The following TMEM63B variants were observed in gnomAD, a reference collection of about 807,000 sequenced individuals.
TMEM63B encodes transmembrane protein 63B.
TMEM63B carries 23 observed loss-of-function variants against 102.6 expected under a neutral mutation model. That is an observed-to-expected ratio of 0.22 (90% CI 0.16 to 0.32). The LOEUF is 0.32. Among genes scored for constraint, TMEM63B ranks in the 10% least tolerant of loss-of-function variants. The pLI is 1.00. For synonymous variants in TMEM63B, 444 were observed against 437.0 expected (o/e 1.02, Z -0.20); for missense variants, 628 against 1,095.9 (o/e 0.57, Z 6.03).
Position 44,154,879 on chromosome 6 carries a change from A to C in TMEM63B, c.2495A>C (p.Gln832Pro). ...AGCCTCATAGAGAATGAGATTCACC[A>C]GTAAGGGGAGGGAGGGGCCCTGGAG... ...EDSLIENEIH[Q>P] Residue 832 changes from glutamine (Q) to proline (P), a missense_variant, in exon 24 of 24, where the codon CAG becomes CCG. Coordinates refer to ENST00000323267, the MANE Select transcript of TMEM63B (RefSeq NM_018426.3). 1 of 1,551,872 alleles carries C rather than the reference A, an allele frequency of 6.4e-7. No homozygotes were observed. The highest frequency in any genetic ancestry group is 2.3e-5 in the East Asian group (1 of 43,046).
intron 1 of TMEM63B, 69 bp from the exon 2 acceptor site, chr6:44,134,492 C>G: frequency 6.6e-7 from 1 of 1,506,202 alleles, no homozygotes; most frequent in Non-Finnish European, 9.0e-7. Context: ...GCCCCCTCCC[C>G]ACGCCCACCC....
Position 44,148,384 on chromosome 6 carries a change from A to G in TMEM63B, c.1120A>G (p.Ile374Val). ...VTFHNETITA[I>V]ILKDFNVCKC... ...CTTCCACAATGAGACTATCACCGCCATGTGAGTCCCCAACTCGGCCCTCGG... is the reference window on the plus strand; with the variant it reads ...CTTCCACAATGAGACTATCACCGCCGTGTGAGTCCCCAACTCGGCCCTCGG... The change falls in exon 13 of 24, where the codon ATC (isoleucine) becomes GTC (valine). Residue 374 changes from isoleucine (I) to valine (V), a missense_variant and splice_region_variant. Transcript: ENST00000323267. The surrounding 1 kb of genome is among the most constrained non-coding windows in gnomAD (Gnocchi z 5.1). 1 of 1,614,240 alleles carries G rather than the reference A, an allele frequency of 6.2e-7. No individual in the cohort carries two copies. The highest frequency in any genetic ancestry group is 8.5e-7 in the Non-Finnish European group (1 of 1,180,036).
rs1216019089 is a variant in TMEM63B, at chr6:44,130,485, A to G, written c.-25+2807A>G. On this transcript the variant is annotated intron_variant, in intron 1 of 23. Transcript: ENST00000323267. ...ACACGGTCTCTGTCTGTCGCCCAGG[A>G]TGGAGTGCAGTGGCATGATCTTGGT... 2.9e-5 allele frequency among the ~76,000 whole-genome samples: 4 copies of G among 137,640 alleles called. No homozygotes were observed. In the South Asian group the frequency reaches 6.9e-4, roughly 24 times the overall value. The allele number at this position is 137,640 out of a possible 152,430, so 90.3% of individuals were successfully genotyped here.
At position 44,141,021 on chromosome 6, in the gene TMEM63B, C is replaced by T; in HGVS notation, c.712-7C>T. On this transcript the variant is annotated splice_region_variant and splice_polypyrimidine_tract_variant and intron_variant, in intron 9 of 23. Transcript: ENST00000323267. ...TCAGAAGGCAAACCCACTCCCCTGT[C>T]ACCCAGGTGAAGCGGACCCTCTTCA... 6.2e-7 allele frequency: 1 copy of T among 1,614,044 alleles called. No homozygotes were observed. The highest frequency in any genetic ancestry group is 8.5e-7 in the Non-Finnish European group (1 of 1,179,956).
At position 44,141,192 on chromosome 6, in the gene TMEM63B, G is replaced by C. The variant is rs1448948772; in HGVS notation, c.782+94G>C. ...GAACATCCTTATACCCTAGCCTGGA[G>C]CTCTGCCGTGGGTGGGATAGAGATT... On this transcript the variant is annotated intron_variant, in intron 10 of 23. Transcript: ENST00000323267. 12 of 1,270,062 alleles carry C rather than the reference G, an allele frequency of 9.4e-6. No homozygotes were observed. The East Asian group carries it at 3.0e-4, about 32-fold the overall frequency. 78.7% of individuals were successfully genotyped at this position (1,270,062 alleles called of 1,614,324 possible). A position where few individuals can be genotyped will look rare whatever the true frequency, so the allele number is the denominator to read the frequency against.
At position 44,131,199 on chromosome 6, in the gene TMEM63B, TGA is replaced by T. The variant is rs1446905841; in HGVS notation, c.-24-3360_-24-3359del. ...TCCCAAAATGCTGGGATTACAGGTG[TGA>T]GCCACCGTGCCTGGCACCTACTACT... On this transcript the variant is annotated intron_variant, in intron 1 of 23. Coordinates refer to ENST00000323267, the MANE Select transcript of TMEM63B (RefSeq NM_018426.3). Among the ~76,000 whole-genome samples the T allele has an allele frequency of 3.5e-4, 54 of 152,208 alleles. 1 individual carries two copies. Among genetic ancestry groups the T allele is most frequent in the African/African-American group, 1.3e-3 (52 of 41,522 alleles).
In TMEM63B at chr6:44,150,537, C is replaced by T; in HGVS notation, c.1608-27C>T. On this transcript the variant is annotated intron_variant, in intron 17 of 23. Transcript: ENST00000323267. The surrounding 1 kb of genome is among the most constrained non-coding windows in gnomAD (Gnocchi z 4.7). Reference sequence around the variant, plus strand: ...GTGTTCTGTACCACTCCAGCTCCCACCCCATCTCTCCTCTGCTTCCCTCCA... The same window carrying T: ...GTGTTCTGTACCACTCCAGCTCCCATCCCATCTCTCCTCTGCTTCCCTCCA... 2 of 1,613,422 alleles carry T rather than the reference C, an allele frequency of 1.2e-6. No individual in the cohort carries two copies. The highest frequency in any genetic ancestry group is 1.7e-4 in the Middle Eastern group (1 of 6,036).
chr6:44,146,341 T>C (rs1339033507), intron 10 of TMEM63B, among the ~76,000 whole-genome samples: 1 of 152,074 alleles, frequency 6.6e-6, no homozygotes, highest in Non-Finnish European at 1.5e-5. Context: ...GGCCTTCTGC[T>C]CCCACTTCCC....
rs1766980707 is a variant in TMEM63B, at chr6:44,152,629, G to A, written c.1873G>A (p.Ala625Thr). 1.9e-6 allele frequency: 3 copies of A among 1,608,626 alleles called. No homozygotes were observed. Among genetic ancestry groups the A allele is most frequent in the Non-Finnish European group, 2.5e-6 (3 of 1,179,934 alleles). ...CGAGTTCCAGTTTGGCGCAGCCTACGCCTGGATGATGTGCGTCTTCACGGT... is the reference window on the plus strand; with the variant it reads ...CGAGTTCCAGTTTGGCGCAGCCTACACCTGGATGATGTGCGTCTTCACGGT... ...AYEFQFGAAY[A>T]WMMCVFTVVM... Residue 625 changes from alanine (A) to threonine (T), a missense_variant, in exon 20 of 24, where the codon GCC (alanine) becomes ACC (threonine). Ala to Thr is a moderately conservative substitution (Grantham distance 58). Around this residue, in one of 6 missense-constraint regions of TMEM63B, gnomAD observed 90 missense variants for 136.7 expected, o/e 0.66. Coordinates refer to ENST00000323267, the MANE Select transcript of TMEM63B (RefSeq NM_018426.3). The surrounding 1 kb of genome is among the most constrained non-coding windows in gnomAD (Gnocchi z 6.4).
Position 44,148,449 on chromosome 6 carries a change from A to G in TMEM63B, c.1121+64A>G, listed in dbSNP as rs1460333613. On this transcript the variant is annotated intron_variant, in intron 13 of 23. Transcript: ENST00000323267. The surrounding 1 kb of genome is among the most constrained non-coding windows in gnomAD (Gnocchi z 5.1). ...CCAGGGCTCCCTGACCCCTGTGCTC[A>G]TGGCCTTCTGCCAGCAGTGTGGCCT... 1 of 1,612,690 alleles carries G rather than the reference A, an allele frequency of 6.2e-7. No individual in the cohort carries two copies.
At position 44,150,011 on chromosome 6, in the gene TMEM63B, A is replaced by G. The variant is rs773220875; in HGVS notation, c.1520+46A>G. On this transcript the variant is annotated intron_variant, in intron 16 of 23. Coordinates refer to ENST00000323267, the MANE Select transcript of TMEM63B (RefSeq NM_018426.3). This position sits in a 1 kb window ranked among gnomAD's most constrained non-coding sequence, Gnocchi z 4.7. ...CCACACCTCGCTGTGGCCTGCCCTC[A>G]ATGACCCATCCTCTCTGGGCAGCAC... The G allele has an allele frequency of 6.4e-7, 1 of 1,565,404 alleles. No homozygotes were observed. Among genetic ancestry groups the G allele is most frequent in the South Asian group, 1.1e-5 (1 of 87,458 alleles).
Position 44,152,123 on chromosome 6 carries a change from C to A in TMEM63B, c.1836+115C>A. 1 of 1,288,194 alleles carries A rather than the reference C, an allele frequency of 7.8e-7. No homozygotes were observed. Among genetic ancestry groups the A allele is most frequent in the South Asian group, 1.5e-5 (1 of 66,786 alleles). The allele number at this position is 1,288,194 out of a possible 1,614,324, so 79.8% of individuals were successfully genotyped here. ...CAGGAGGGCTGAGACTTGGGGAGTACAGTTGACTCACGGTGGATCCGGGCC... is the reference window on the plus strand; with the variant it reads ...CAGGAGGGCTGAGACTTGGGGAGTAAAGTTGACTCACGGTGGATCCGGGCC... On this transcript the variant is annotated intron_variant, in intron 19 of 23. Transcript: ENST00000323267. This position sits in a 1 kb window ranked among gnomAD's most constrained non-coding sequence, Gnocchi z 6.4.
chr6:44,143,528 T>C (rs1015696806), intron 10 of TMEM63B, among the ~76,000 whole-genome samples: 5 of 152,074 alleles, frequency 3.3e-5, no homozygotes, highest in Non-Finnish European at 5.9e-5. Context: ...TACCATCCAG[T>C]TGGAATCAGT....
chr6:44,147,285 C>A, intron 11 of TMEM63B, 92 bp from the exon 12 acceptor site: 1 of 1,585,874 alleles, frequency 6.3e-7, no homozygotes, highest in South Asian at 1.1e-5. Context: ...AAGAACAAGA[C>A]AGCTCCTGTC....
intron 4 of TMEM63B, 32 bp downstream of exon 4, chr6:44,135,398 T>C: frequency 1.3e-6 from 2 of 1,593,422 alleles, no homozygotes; most frequent in Non-Finnish European, 1.7e-6. Flanking sequence ...TCATTCCCAC[T>C]AAACCAGCTT....
rs758879178 is a variant in TMEM63B at position 44,153,656 on chromosome 6, G to A, written c.1943-20G>A. 3.1e-6 allele frequency: 5 copies of A among 1,607,922 alleles called. No individual in the cohort carries two copies. The South Asian group carries it at 5.5e-5, about 18-fold the overall frequency. ...CGGCAGCACTGGTTCCGAGGTCAGGGCCCATGTGGCTTCCCTTAGGGCTCA... is the reference window on the plus strand; with the variant it reads ...CGGCAGCACTGGTTCCGAGGTCAGGACCCATGTGGCTTCCCTTAGGGCTCA... On this transcript the variant is annotated intron_variant, in intron 20 of 23. Coordinates refer to ENST00000323267, the MANE Select transcript of TMEM63B (RefSeq NM_018426.3).
Position 44,134,542 on chromosome 6 carries a change from T to A in TMEM63B, c.-24-19T>A. The A allele has an allele frequency of 6.2e-7, 1 of 1,603,176 alleles. No individual in the cohort carries two copies. Among genetic ancestry groups the A allele is most frequent in the South Asian group, 1.1e-5 (1 of 90,148 alleles). On this transcript the variant is annotated intron_variant, in intron 1 of 23. Transcript: ENST00000323267. Reference sequence around the variant, plus strand: ...GGGGATGGGGGCAAGCCCAGCTGACTGCTCCACCCTCTGCCCAGGAGGACC... The same window carrying A: ...GGGGATGGGGGCAAGCCCAGCTGACAGCTCCACCCTCTGCCCAGGAGGACC...
intron 8 of TMEM63B, 21 bp from the exon 9 acceptor site, chr6:44,140,231 T>C (rs372209883): frequency 7.6e-5 from 122 of 1,603,112 alleles, no homozygotes; most frequent in Non-Finnish European, 9.6e-5. Flanking sequence ...GGCTCCCATG[T>C]ATCCTCTCTG....
chr6:44,150,188 CT>C lies in TMEM63B; in HGVS notation c.1521-34del. ...GGAGCAAGTCTGGGGCCTGGGCTCA[CT>C]TGACCTGTACCGTTCCCTGCTCCCC... On this transcript the variant is annotated intron_variant, in intron 16 of 23. Coordinates refer to ENST00000323267, the MANE Select transcript of TMEM63B (RefSeq NM_018426.3). The surrounding 1 kb of genome is among the most constrained non-coding windows in gnomAD (Gnocchi z 4.7). 6.3e-7 allele frequency: 1 copy of C among 1,595,140 alleles called. No homozygotes were observed. Among genetic ancestry groups the C allele is most frequent in the Non-Finnish European group, 8.6e-7 (1 of 1,164,688 alleles).
Sources: gnomAD v4.1 joint callset for allele counts (sites outside exome capture counted in the v4.1 genomes callset) on GRCh38, gnomAD v4.1.1 for gene constraint, gnomAD v4.1.1 regional missense constraint, Gnocchi (gnomAD v3.1) non-coding constraint, MANE v1.5 for transcripts, NCBI Gene and HGNC (gene_info 2026-07-23, HGNC 2026-07-21) for gene names.